CHODL: variants seen among roughly 807,000 people sequenced by gnomAD.
CHODL encodes the protein chondrolectin.
In CHODL, 29 loss-of-function variants were observed where a neutral mutation model predicts 34.5. The observed-to-expected ratio is 0.84, with a 90% CI of 0.63 to 1.15. The LOEUF (loss-of-function observed/expected upper bound fraction) is 1.15, where lower values mean the gene tolerates loss of function less well. Ranked by LOEUF, CHODL falls within the 50% of genes most tolerant of loss-of-function variation. The pLI is 0.00. For missense variants in CHODL, 332 were observed against 332.5 expected, an observed-to-expected ratio of 1.00 and a Z score of 0.01; for synonymous variants, 125 against 116.1, an observed-to-expected ratio of 1.08 and a Z score of -0.49.
intron 2 of CHODL, among the ~76,000 whole-genome samples, chr21:18,064,407 C>T (rs983281900): frequency 6.6e-5 from 10 of 152,162 alleles, no homozygotes; most frequent in African/African-American, 2.4e-4. Flanking sequence ...AAAAATGAAT[C>T]CAAATTAAAC....
At chr21:17,950,497 A>AACACACACACACACAC (rs200120318) in intron 1 of CHODL, among the ~76,000 whole-genome samples, 94 of 130,392 alleles carry the variant, frequency 7.2e-4, no homozygotes, top group Middle Eastern at 3.7e-3. Context: ...CTAGATACAC[A>AACACACACACACACAC]ACACACACAC....
Position 18,257,760 on chromosome 21 carries a change from C to A in CHODL, c.547+633C>A, listed in dbSNP as rs559001226. On this transcript the variant is annotated intron_variant, in intron 3 of 5. Coordinates refer to ENST00000299295, the MANE Select transcript of CHODL (RefSeq NM_024944.3). ...CTTGTCATATGCAGCAAATGGGAAT[C>A]TTACATTGACTTGAGCTATACTGGC... is the stretch of plus-strand genomic sequence containing the variant. 1.7e-4 allele frequency among the ~76,000 whole-genome samples: 26 copies of A among 152,262 alleles called. No individual in the cohort carries two copies. In the South Asian group the frequency reaches 3.1e-3, roughly 18 times the overall value.
intron 2 of CHODL, among the ~76,000 whole-genome samples, chr21:18,160,527 C>G (rs2073084145): frequency 6.6e-6 from 1 of 152,046 alleles, no homozygotes; most frequent in African/African-American, 2.4e-5. Context: ...GGGTACAACC[C>G]TCTATGTGTC....
intron 1 of CHODL, among the ~76,000 whole-genome samples, chr21:17,976,270 GAAAAA>G (rs71318119): frequency 2.6e-4 from 17 of 66,534 alleles, no homozygotes; most frequent in Non-Finnish European, 3.9e-4. Context: ...GACCATCTCA[GAAAAA>G]AAAAAAAAAA....
At chr21:18,021,273 A>C (rs1477592679) in intron 1 of CHODL, among the ~76,000 whole-genome samples, 5 of 152,190 alleles carry the variant, frequency 3.3e-5, no homozygotes, top group African/African-American at 1.2e-4. Context: ...AGGGTAGTAA[A>C]GGGAAAATAA....
intron 1 of CHODL, among the ~76,000 whole-genome samples, chr21:17,989,434 T>G (rs1231548887): frequency 1.3e-5 from 2 of 152,126 alleles, no homozygotes. Context: ...CTCACATATA[T>G]CCACATAGAC....
At position 18,082,918 on chromosome 21, in the gene CHODL, G is replaced by GA. The variant is rs879403369; in HGVS notation, c.-45+54962dup. On this transcript the variant is annotated intron_variant, in intron 2 of 6. Coordinates refer to the CHODL transcript ENST00000400127. Reference sequence around the variant, plus strand: ...AATTTGCAGCCTGACCATGTAGGAGGAAAAAAAAAAAAAAACTTTTCTGAA... The same window carrying GA: ...AATTTGCAGCCTGACCATGTAGGAGGAAAAAAAAAAAAAAAACTTTTCTGAA... 7.3e-3 allele frequency among the ~76,000 whole-genome samples: 949 copies of GA among 129,806 alleles called. 1 individual carries two copies. Among genetic ancestry groups the GA allele is most frequent in the East Asian group, 0.012 (53 of 4,360 alleles). The allele number at this position is 129,806 out of a possible 152,430, so 85.2% of individuals were successfully genotyped here. A position where few individuals can be genotyped will look rare whatever the true frequency, so the allele number is the denominator to read the frequency against.
chr21:18,264,689 C>T (rs1007839304), intron 5 of CHODL, among the ~76,000 whole-genome samples: 2 of 150,810 alleles, frequency 1.3e-5, no homozygotes, highest in Admixed American at 6.6e-5. Flanking sequence ...GAAAAGTTAT[C>T]GTGTTGTGGA....
At chr21:18,178,503 C>G (rs2073342668) in intron 2 of CHODL, among the ~76,000 whole-genome samples, 2 of 152,120 alleles carry the variant, frequency 1.3e-5, no homozygotes, top group Non-Finnish European at 2.9e-5. Context: ...TAATGAAAGT[C>G]TACTGTTGAC....
chr21:18,231,030 A>G (rs1211777918), intron 2 of CHODL, among the ~76,000 whole-genome samples: 1 of 152,128 alleles, frequency 6.6e-6, no homozygotes, highest in Non-Finnish European at 1.5e-5. Flanking sequence ...ATGTTTATGT[A>G]GCCCCGACCA....
At chr21:18,016,926 CT>C (rs1485255711) in intron 1 of CHODL, among the ~76,000 whole-genome samples, 1 of 152,256 alleles carries the variant, frequency 6.6e-6, no homozygotes, top group East Asian at 1.9e-4. Flanking sequence ...AGATTTTGGA[CT>C]TGCATGGGGC....
At chr21:18,228,516 T>C (rs2073951502) in intron 2 of CHODL, among the ~76,000 whole-genome samples, 1 of 152,164 alleles carries the variant, frequency 6.6e-6, no homozygotes, top group Admixed American at 6.6e-5. Context: ...TGGCAGTTCC[T>C]CGGGGGTTTG....
intron 2 of CHODL, among the ~76,000 whole-genome samples, chr21:18,153,503 C>A (rs534883940): frequency 6.6e-6 from 1 of 152,270 alleles, no homozygotes; most frequent in East Asian, 1.9e-4. Flanking sequence ...GTCTCCCTCT[C>A]CTGCTGTATC....
In CHODL at chr21:17,992,718, GTTTTTTTTTTTTT is replaced by G. The variant is rs869044440; in HGVS notation, c.-144-35141_-144-35129del. On this transcript the variant is annotated intron_variant, in intron 1 of 6. Coordinates refer to the CHODL transcript ENST00000400127. ...AGTTCTCAGAGTTTCTGGTGGAGTT[GTTTTTTTTTTTTT>G]TTTTTTTTTTTTCCAGACAGAGTTT... Among the ~76,000 whole-genome samples the G allele has an allele frequency of 5.2e-5, 3 of 57,228 alleles. No individual in the cohort carries two copies. The East Asian group carries it at 1.6e-3, about 31-fold the overall frequency. 37.5% of individuals were successfully genotyped at this position (57,228 alleles called of 152,430 possible).
intron 1 of CHODL, among the ~76,000 whole-genome samples, chr21:17,973,698 G>A (rs2063637574): frequency 6.6e-6 from 1 of 151,258 alleles, no homozygotes; most frequent in Non-Finnish European, 1.5e-5. Context: ...GGGATCATAG[G>A]CGTGAGCCAC....
At chr21:18,169,904 A>G (rs192794967) in intron 2 of CHODL, among the ~76,000 whole-genome samples, 29 of 152,156 alleles carry the variant, frequency 1.9e-4, no homozygotes, top group African/African-American at 7.0e-4. Flanking sequence ...ACATAAATGT[A>G]AATTTTCCAA....
intron 2 of CHODL, among the ~76,000 whole-genome samples, chr21:18,093,913 A>C (rs1009310337): frequency 1.3e-5 from 2 of 152,106 alleles, no homozygotes; most frequent in South Asian, 2.1e-4. Flanking sequence ...AAATGGACTA[A>C]ACTCTCCAAT....
At chr21:18,059,276 A>G (rs2064625647) in intron 2 of CHODL, among the ~76,000 whole-genome samples, 1 of 152,174 alleles carries the variant, frequency 6.6e-6, no homozygotes, top group Admixed American at 6.5e-5. Context: ...CAAATTTGCC[A>G]TCAAACCTTG....
intron 1 of CHODL, among the ~76,000 whole-genome samples, chr21:18,249,926 A>T (rs1438996656): frequency 6.6e-6 from 1 of 152,156 alleles, no homozygotes; most frequent in Non-Finnish European, 1.5e-5. Flanking sequence ...CAGTGCCTGT[A>T]GCTCAAGCTA....
Sources: allele counts gnomAD v4.1 joint callset (sites outside exome capture counted in the v4.1 genomes callset), GRCh38; gene constraint gnomAD v4.1.1; transcripts MANE v1.5; gene names NCBI Gene and HGNC (gene_info 2026-07-23, HGNC 2026-07-21).